BCL11A: variants seen among roughly 807,000 people sequenced by gnomAD.
The protein encoded by BCL11A is BCL11 transcription factor A.
In BCL11A, 2 loss-of-function variants were observed where a neutral mutation model predicts 55.9. The observed-to-expected ratio is 0.04, with a 90% CI of 0.01 to 0.11. The LOEUF (loss-of-function observed/expected upper bound fraction) is 0.11. BCL11A is among the 10% of genes least tolerant of loss of function. BCL11A has a pLI of 1.00. For synonymous variants in BCL11A, 465 were observed against 473.4 expected (o/e 0.98, Z 0.23); for missense variants, 817 against 1,137.1 (o/e 0.72, Z 4.05).
chr2:60,510,766 A>G (rs1277737784), intron 2 of BCL11A, among the ~76,000 whole-genome samples: 1 of 152,218 alleles, frequency 6.6e-6, no homozygotes, highest in Non-Finnish European at 1.5e-5. Context: ...TGCCATATCT[A>G]TAAAACTGTC....
chr2:60,518,406 G>C (rs1668829870), intron 2 of BCL11A, among the ~76,000 whole-genome samples: 1 of 152,182 alleles, frequency 6.6e-6, no homozygotes, highest in African/African-American at 2.4e-5. Flanking sequence ...ATTTAATTTA[G>C]TTTTAAAATG....
chr2:60,489,273 C>T (rs917337501), intron 2 of BCL11A, among the ~76,000 whole-genome samples: 9 of 152,208 alleles, frequency 5.9e-5, no homozygotes, highest in African/African-American at 2.2e-4. Context: ...GTCACTTACA[C>T]TATTTCTCAT....
chr2:60,541,853 C>T (rs778227914), intron 2 of BCL11A: 27 of 680,632 alleles, frequency 4.0e-5, no homozygotes, highest in East Asian at 3.7e-4. Context: ...GTCATAATAG[C>T]ATACTATAAT....
At position 60,518,967 on chromosome 2, in the gene BCL11A, C is replaced by A. The variant is rs182968739; in HGVS notation, c.385+27004G>T. Among the ~76,000 whole-genome samples, 24 of 152,266 alleles carry A rather than the reference C, an allele frequency of 1.6e-4. No homozygotes were observed. The East Asian group carries it at 4.6e-3, about 29-fold the overall frequency. On this transcript the variant is annotated intron_variant, in intron 2 of 3. Coordinates refer to ENST00000642384, the MANE Select transcript of BCL11A (RefSeq NM_022893.4). ...AGCCACAGTAAGCACCAAATCTGCT[C>A]CCTACAATCCACAGCAAAAGGAGAG...
chr2:60,455,959 G>A (rs1675915875), downstream of BCL11A, among the ~76,000 whole-genome samples: 1 of 152,090 alleles, frequency 6.6e-6, no homozygotes. Context: ...AAGTTCTCAA[G>A]GTACCGCACG....
intron 1 of BCL11A, among the ~76,000 whole-genome samples, chr2:60,550,677 G>A (rs1256678938): frequency 6.6e-6 from 1 of 152,092 alleles, no homozygotes; most frequent in African/African-American, 2.4e-5. Flanking sequence ...CTTTAACCCC[G>A]GGACAGGAGG....
rs1020577452 is a variant in BCL11A at position 60,461,254 on chromosome 2, C to T, written c.1658G>A (p.Ser553Asn). 1 of 1,608,706 alleles carries T rather than the reference C, an allele frequency of 6.2e-7. No individual in the cohort carries two copies. Among genetic ancestry groups the T allele is most frequent in the Non-Finnish European group, 8.5e-7 (1 of 1,179,716 alleles). Reference protein sequence around the residue: ...LPDVMQGMVLSSMQHFSEAFH... With the variant: ...LPDVMQGMVLNSMQHFSEAFH... ...GGCCTCGCTGAAGTGCTGCATGGAG[C>T]TGAGCACCATGCCCTGCATGACGTC... The change falls in exon 4 of 4, where the codon AGC becomes AAC. Residue 553 changes from serine to asparagine, a missense_variant. Transcript: ENST00000642384.
chr2:60,471,375 A>G (rs761540691), intron 2 of BCL11A, among the ~76,000 whole-genome samples: 25 of 152,238 alleles, frequency 1.6e-4, no homozygotes, highest in Non-Finnish European at 3.1e-4. Flanking sequence ...AGCAAAGCCA[A>G]CTGGGGACCC....
chr2:60,453,479 G>T (rs992675416), downstream of BCL11A, among the ~76,000 whole-genome samples: 1 of 152,182 alleles, frequency 6.6e-6, no homozygotes, highest in African/African-American at 2.4e-5. Context: ...CCCCTGACTT[G>T]GCGCCGCAGG....
intron 2 of BCL11A, among the ~76,000 whole-genome samples, chr2:60,517,431 G>C (rs1237832805): frequency 6.6e-6 from 1 of 152,242 alleles, no homozygotes; most frequent in Non-Finnish European, 1.5e-5. Flanking sequence ...AAAGGGCAAA[G>C]GACCATTCTC....
rs1256632306 is a variant in BCL11A at position 60,457,729 on chromosome 2, T to C, written c.*2675A>G. On this transcript the variant is annotated 3_prime_UTR_variant, in exon 4 of 4. Transcript: ENST00000642384. ...TCTTTTACTGCATATGAAGGTAAGA[T>C]GCTGGAATGTAGGGTGATAGAAGGA... 1.1e-5 allele frequency: 11 copies of C among 1,034,092 alleles called. No individual in the cohort carries two copies. Among genetic ancestry groups the C allele is most frequent in the African/African-American group, 3.4e-5 (2 of 58,948 alleles). 64.1% of individuals were successfully genotyped at this position (1,034,092 alleles called of 1,614,324 possible). A position where few individuals can be genotyped will look rare whatever the true frequency, so the allele number is the denominator to read the frequency against.
At position 60,457,583 on chromosome 2, in the gene BCL11A, TTAA is replaced by T. The variant is rs1374234491; in HGVS notation, c.*2818_*2820del. 1 of 1,046,030 alleles carries T rather than the reference TTAA, an allele frequency of 9.6e-7. No individual in the cohort carries two copies. The highest frequency in any genetic ancestry group is 5.6e-5 in the East Asian group (1 of 17,734). The allele number at this position is 1,046,030 out of a possible 1,614,324, so 64.8% of individuals were successfully genotyped here. On this transcript the variant is annotated 3_prime_UTR_variant, in exon 4 of 4. Transcript: ENST00000642384. ...GTATTGACTAAAGCGGGCTTTCTCT[TTAA>T]TATGCTTTGCATATGAAATTCTTTC...
chr2:60,519,790 A>G (rs1279821056), intron 2 of BCL11A, among the ~76,000 whole-genome samples: 1 of 152,246 alleles, frequency 6.6e-6, no homozygotes, highest in African/African-American at 2.4e-5. Flanking sequence ...GCTCCCAGTC[A>G]CATCCTGTAT....
intron 2 of BCL11A, among the ~76,000 whole-genome samples, chr2:60,530,834 C>T (rs982989885): frequency 2.6e-5 from 4 of 152,176 alleles, no homozygotes; most frequent in African/African-American, 9.7e-5. Flanking sequence ...CCCACTACCC[C>T]TCCTGAGTCT....
chr2:60,489,056 A>G (rs1678462237), intron 2 of BCL11A, among the ~76,000 whole-genome samples: 1 of 152,174 alleles, frequency 6.6e-6, no homozygotes, highest in African/African-American at 2.4e-5. Context: ...TACCACACCC[A>G]GCCATACCCA....
intron 2 of BCL11A, among the ~76,000 whole-genome samples, chr2:60,516,402 C>G (rs1033840261): frequency 5.3e-5 from 8 of 152,218 alleles, no homozygotes; most frequent in African/African-American, 1.9e-4. Context: ...AAGTTATGAA[C>G]AGCTCTCCCC....
chr2:60,452,053 AC>A, exon 5 of BCL11A: 1 of 225,718 alleles, frequency 4.4e-6, no homozygotes, highest in Non-Finnish European at 8.8e-6. Flanking sequence ...TGTTCCTCCT[AC>A]CCACCCGATG....
rs373524493 is a variant in BCL11A at position 60,460,390 on chromosome 2, G to A, written c.*14C>T. On this transcript the variant is annotated 3_prime_UTR_variant, in exon 4 of 4. Coordinates refer to ENST00000642384, the MANE Select transcript of BCL11A (RefSeq NM_022893.4). ...GGTGTCAGGTGGGAGTGAGGGAGGG[G>A]TATTAATATACCTCTATTCAGTTTT... 1 of 1,576,844 alleles carries A rather than the reference G, an allele frequency of 6.3e-7. No individual in the cohort carries two copies. The highest frequency in any genetic ancestry group is 1.7e-4 in the Middle Eastern group (1 of 5,910).
intron 2 of BCL11A, chr2:60,495,767 C>T (rs1389216244): frequency 1.3e-5 from 2 of 152,150 alleles, no homozygotes; most frequent in East Asian, 1.9e-4. Flanking sequence ...CAAAAGGTAC[C>T]TGGAAAACTG....
Sources: gnomAD v4.1 joint callset for allele counts (sites outside exome capture counted in the v4.1 genomes callset) on GRCh38, gnomAD v4.1.1 for gene constraint, MANE v1.5 for transcripts, NCBI Gene and HGNC (gene_info 2026-07-23, HGNC 2026-07-21) for gene names.